TMEM19: variants seen among roughly 807,000 people sequenced by gnomAD.
TMEM19 encodes transmembrane protein 19.
A neutral mutation model predicts 33.6 loss-of-function variants in TMEM19; 21 were observed. The ratio of observed to expected loss-of-function variants is 0.62; its 90% CI spans 0.44 to 0.90. The LOEUF (loss-of-function observed/expected upper bound fraction) is 0.90. TMEM19 is among the 40% of genes least tolerant of loss of function. The pLI, the probability that TMEM19 is intolerant of heterozygous loss-of-function variation, is 0.00. For synonymous variants in TMEM19, 149 were observed against 147.5 expected, an observed-to-expected ratio of 1.01 and a Z score of -0.07; for missense variants, 402 against 401.8, an observed-to-expected ratio of 1.00 and a Z score of 0.00.
Position 71,704,024 on chromosome 12 carries a change from T to TAAC in TMEM19, c.*3031_*3033dup. 1 of 454,042 alleles carries TAAC rather than the reference T, an allele frequency of 2.2e-6. No individual in the cohort carries two copies. Among genetic ancestry groups the TAAC allele is most frequent in the Non-Finnish European group, 4.4e-6 (1 of 225,506 alleles). The allele number at this position is 454,042 out of a possible 1,614,324, so 28.1% of individuals were successfully genotyped here. A position where few individuals can be genotyped will look rare whatever the true frequency, so the allele number is the denominator to read the frequency against. ...CACTTTTCATGGAAAGAGCTCTATG[T>TAAC]AACAGCATAATAAAACTGCCTACCT... On this transcript the variant is annotated 3_prime_UTR_variant, in exon 6 of 6. Coordinates refer to ENST00000266673, the MANE Select transcript of TMEM19 (RefSeq NM_018279.4).
chr12:71,688,961 G>A (rs1225340950), intron 1 of TMEM19, among the ~76,000 whole-genome samples: 2 of 151,920 alleles, frequency 1.3e-5, no homozygotes, highest in East Asian at 3.9e-4. Flanking sequence ...AATTTAATAC[G>A]TGCCCCCTTT....
At chr12:71,691,719 A>C (rs964262207) in intron 2 of TMEM19, among the ~76,000 whole-genome samples, 1 of 151,066 alleles carries the variant, frequency 6.6e-6, no homozygotes, top group Non-Finnish European at 1.5e-5. Flanking sequence ...CTTGGGCAAC[A>C]GAGTGATACC....
At position 71,689,708 on chromosome 12, in the gene TMEM19, T is replaced by A. The variant is rs1223495329; in HGVS notation, c.244+4T>A. ...GATCACAGTGGGGCTCTAGGAGGTA[T>A]GTTTTTATTTTGAATGTTTACAGTA... is the stretch of plus-strand genomic sequence containing the variant. On this transcript the variant is annotated splice_donor_region_variant and intron_variant, in intron 2 of 5. Coordinates refer to ENST00000266673, the MANE Select transcript of TMEM19 (RefSeq NM_018279.4). 3.8e-6 allele frequency: 6 copies of A among 1,598,656 alleles called. No individual in the cohort carries two copies. In the East Asian group the frequency reaches 1.3e-4, roughly 36 times the overall value.
At chr12:71,690,694 G>A (rs1263316254) in intron 2 of TMEM19, among the ~76,000 whole-genome samples, 3 of 152,148 alleles carry the variant, frequency 2.0e-5, no homozygotes, top group Admixed American at 1.3e-4. Flanking sequence ...TTCTGTAAAT[G>A]GTGTCAGGTG....
At chr12:71,691,075 G>T (rs1293906187) in intron 2 of TMEM19, among the ~76,000 whole-genome samples, 5 of 152,192 alleles carry the variant, frequency 3.3e-5, no homozygotes, top group African/African-American at 1.2e-4. Flanking sequence ...AATTAAATGC[G>T]ATAATTTAAA....
chr12:71,686,590 CT>C lies in TMEM19; in HGVS notation c.-90del. 2.1e-6 allele frequency: 3 copies of C among 1,415,766 alleles called. No homozygotes were observed. The highest frequency in any genetic ancestry group is 2.9e-6 in the Non-Finnish European group (3 of 1,031,050). 87.7% of individuals were successfully genotyped at this position (1,415,766 alleles called of 1,614,324 possible). A position where few individuals can be genotyped will look rare whatever the true frequency, so the allele number is the denominator to read the frequency against. Reference sequence around the variant, plus strand: ...GGAATATGTTGGGATTTATGTTTGCCTCTGAACAAGTGTCTTGCTCACATCG... The same window carrying C: ...GGAATATGTTGGGATTTATGTTTGCCCTGAACAAGTGTCTTGCTCACATCG... On this transcript the variant is annotated 5_prime_UTR_variant, in exon 1 of 6. An upstream open reading frame in the 5' UTR gains an earlier in-frame stop. Coordinates refer to ENST00000266673, the MANE Select transcript of TMEM19 (RefSeq NM_018279.4).
At chr12:71,700,795 G>T (rs754372067) in intron 5 of TMEM19, 37 bp from the exon 6 acceptor site, 1 of 1,491,360 alleles carries the variant, frequency 6.7e-7, no homozygotes, top group Non-Finnish European at 8.9e-7. Context: ...GAAGTCATTT[G>T]GGTTTTCTAT....
At chr12:71,698,747 A>C (rs1881924768) in intron 4 of TMEM19, among the ~76,000 whole-genome samples, 153 bp from the exon 5 acceptor site, 1 of 152,142 alleles carries the variant, frequency 6.6e-6, no homozygotes, top group Non-Finnish European at 1.5e-5. Flanking sequence ...ACCGAGGAGA[A>C]AATACTGTTT....
chr12:71,694,452 T>C (rs1881837324), intron 2 of TMEM19, among the ~76,000 whole-genome samples: 1 of 152,208 alleles, frequency 6.6e-6, no homozygotes, highest in African/African-American at 2.4e-5. Flanking sequence ...CCAGAGTTGA[T>C]TAGAGCCTAG....
chr12:71,690,902 A>G (rs143903323), intron 2 of TMEM19, among the ~76,000 whole-genome samples: 93 of 152,350 alleles, frequency 6.1e-4, no homozygotes, highest in African/African-American at 2.1e-3. Flanking sequence ...ATAAAATTGA[A>G]TAAACTCTAG....
At chr12:71,698,814 C>A in intron 4 of TMEM19, 86 bp from the exon 5 acceptor site, 1 of 1,194,654 alleles carries the variant, frequency 8.4e-7, no homozygotes, top group South Asian at 1.4e-5. Flanking sequence ...TTAAATTAGT[C>A]TTGATTAGAT....
chr12:71,697,156 A>G, intron 3 of TMEM19, 124 bp from the exon 4 acceptor site: 1 of 1,334,740 alleles, frequency 7.5e-7, no homozygotes, highest in African/African-American at 1.6e-5. Context: ...TAACACTTTT[A>G]CTGTTTTTAA....
intron 4 of TMEM19, 84 bp from the exon 5 acceptor site, chr12:71,698,816 T>C: frequency 8.2e-7 from 1 of 1,220,488 alleles, no homozygotes; most frequent in Non-Finnish European, 1.2e-6. Flanking sequence ...AAATTAGTCT[T>C]GATTAGATAG....
At chr12:71,697,662 T>C in intron 4 of TMEM19, 128 bp downstream of exon 4, 3 of 1,185,322 alleles carry the variant, frequency 2.5e-6, no homozygotes, top group Non-Finnish European at 3.4e-6. Context: ...CTTTATTTAG[T>C]CTCTTTAAAT....
chr12:71,686,830 G>A lies in TMEM19; in HGVS notation c.130+20G>A, dbSNP rs369808226. On this transcript the variant is annotated intron_variant, in intron 1 of 5. Coordinates refer to ENST00000266673, the MANE Select transcript of TMEM19 (RefSeq NM_018279.4). ...ATTATGGTAAGTCTGAGTGTTCTAA[G>A]TTGTTTCTCTGTAATCTAGTCAGAG... 1.1e-5 allele frequency: 18 copies of A among 1,585,054 alleles called. No individual in the cohort carries two copies. The Admixed American group carries it at 1.8e-4, about 16-fold the overall frequency.
chr12:71,696,433 C>A lies in TMEM19; in HGVS notation c.245-3C>A. ...ATTCTGTGTTTATATATGTTTCTTT[C>A]AGGGCTAGTCGTTGGATTTATCCTA... is the stretch of plus-strand genomic sequence containing the variant. On this transcript the variant is annotated splice_polypyrimidine_tract_variant and splice_region_variant and intron_variant, in intron 2 of 5. Transcript: ENST00000266673. The A allele has an allele frequency of 6.3e-7, 1 of 1,588,990 alleles. No individual in the cohort carries two copies. Among genetic ancestry groups the A allele is most frequent in the Non-Finnish European group, 8.6e-7 (1 of 1,167,862 alleles).
chr12:71,689,418 A>T (rs1379291350), intron 1 of TMEM19, among the ~76,000 whole-genome samples, 173 bp from the exon 2 acceptor site: 4 of 152,220 alleles, frequency 2.6e-5, no homozygotes, highest in African/African-American at 9.6e-5. Context: ...TGCATTTCTC[A>T]GAACATATCC....
intron 4 of TMEM19, 99 bp downstream of exon 4, chr12:71,697,633 T>G: frequency 7.1e-7 from 1 of 1,411,726 alleles, no homozygotes; most frequent in Non-Finnish European, 9.4e-7. Flanking sequence ...ATGTAATGTA[T>G]TTTAGAGCCT....
intron 3 of TMEM19, 129 bp from the exon 4 acceptor site, chr12:71,697,151 C>A: frequency 7.6e-7 from 1 of 1,311,676 alleles, no homozygotes; most frequent in Non-Finnish European, 1.0e-6. Context: ...TACCATAACA[C>A]TTTTACTGTT....
Sources: allele counts gnomAD v4.1 joint callset (sites outside exome capture counted in the v4.1 genomes callset), GRCh38; gene constraint gnomAD v4.1.1; transcripts MANE v1.5; gene names NCBI Gene and HGNC (gene_info 2026-07-23, HGNC 2026-07-21).